The following LHFPL6 variants were observed in gnomAD, a reference collection of about 807,000 sequenced individuals.
LHFPL6 encodes the protein LHFPL tetraspan subfamily member 6, also known as LHFPL tetraspan subfamily member 6 protein.
LHFPL6 carries 9 observed loss-of-function variants against 20.6 expected under a neutral mutation model. That is an observed-to-expected ratio of 0.44 (90% CI 0.26 to 0.76). The LOEUF is 0.76. LHFPL6 is among the 30% of genes least tolerant of loss of function. The probability of loss-of-function intolerance (pLI) is 0.20; values close to 1 mark genes in which losing one functional copy is unlikely to be tolerated. For synonymous variants in LHFPL6, 105 were observed against 98.7 expected (o/e 1.06, Z -0.38); for missense variants, 218 against 253.5 (o/e 0.86, Z 0.95).
rs1868748713 is a variant in LHFPL6, at chr13:39,486,960, C to T, written c.386-108434G>A. Among the ~76,000 whole-genome samples, 7 of 152,296 alleles carry T rather than the reference C, an allele frequency of 4.6e-5. No homozygotes were observed. In the South Asian group the frequency reaches 1.2e-3, roughly 27 times the overall value. On this transcript the variant is annotated intron_variant, in intron 2 of 3. Coordinates refer to ENST00000379589, the MANE Select transcript of LHFPL6 (RefSeq NM_005780.3). The stretch of plus-strand genomic sequence containing the variant: ...CACAACAGAGACTTCAGCACAAATG[C>T]TGCTATCTTCTGAGGCAGCCACAGC...
chr13:39,570,151 T>C (rs1231577694), intron 2 of LHFPL6, among the ~76,000 whole-genome samples: 1 of 152,216 alleles, frequency 6.6e-6, no homozygotes, highest in Non-Finnish European at 1.5e-5. Flanking sequence ...ATTGTATTTA[T>C]TTATTTTTAG....
chr13:39,467,022 C>T (rs541992498), intron 2 of LHFPL6, among the ~76,000 whole-genome samples: 218 of 152,252 alleles, frequency 1.4e-3, no homozygotes, highest in Admixed American at 2.6e-3. Context: ...GGGTGTGCCA[C>T]GCGAATAGAA....
At chr13:39,487,612 A>G (rs1478752408) in intron 2 of LHFPL6, among the ~76,000 whole-genome samples, 1 of 152,252 alleles carries the variant, frequency 6.6e-6, no homozygotes, top group Non-Finnish European at 1.5e-5. Flanking sequence ...AAATTCCCAC[A>G]TTAATGTACT....
intron 2 of LHFPL6, among the ~76,000 whole-genome samples, chr13:39,422,813 T>C (rs1477971298): frequency 1.3e-5 from 2 of 152,090 alleles, no homozygotes; most frequent in Non-Finnish European, 2.9e-5. Context: ...CTGGATAATA[T>C]ATAAAGGTAA....
intron 2 of LHFPL6, among the ~76,000 whole-genome samples, chr13:39,462,399 G>A (rs1241003988): frequency 3.3e-5 from 5 of 152,126 alleles, no homozygotes; most frequent in Admixed American, 3.3e-4. Flanking sequence ...AAATGTGTGT[G>A]TTACTGTATC....
chr13:39,584,671 A>C (rs1872393127), intron 2 of LHFPL6, among the ~76,000 whole-genome samples: 1 of 151,968 alleles, frequency 6.6e-6, no homozygotes, highest in Non-Finnish European at 1.5e-5. Flanking sequence ...ACCTGACTAT[A>C]GAGTCTATAA....
chr13:39,538,956 G>A (rs1166390624), intron 2 of LHFPL6, among the ~76,000 whole-genome samples: 1 of 152,014 alleles, frequency 6.6e-6, no homozygotes, highest in Admixed American at 6.5e-5. Flanking sequence ...AGGCTTCGCG[G>A]GCCATATGGA....
intron 2 of LHFPL6, among the ~76,000 whole-genome samples, chr13:39,483,319 T>C (rs539023121): frequency 1.3e-5 from 2 of 152,184 alleles, no homozygotes; most frequent in African/African-American, 4.8e-5. Context: ...CTAAGGCTTG[T>C]GCTTGGAGCA....
intron 2 of LHFPL6, among the ~76,000 whole-genome samples, chr13:39,442,056 T>C (rs1001003880): frequency 6.6e-6 from 1 of 151,982 alleles, no homozygotes; most frequent in Non-Finnish European, 1.5e-5. Context: ...CTCAAACTCC[T>C]GACCTCAAGT....
At chr13:39,458,127 C>G (rs1872611913) in intron 2 of LHFPL6, among the ~76,000 whole-genome samples, 1 of 152,022 alleles carries the variant, frequency 6.6e-6, no homozygotes, top group South Asian at 2.1e-4. Flanking sequence ...TAACAGATTT[C>G]CAATGACAGT....
chr13:39,569,177 GGATGGATGGATGGATT>G (rs1264167339), intron 2 of LHFPL6, among the ~76,000 whole-genome samples: 11 of 151,952 alleles, frequency 7.2e-5, no homozygotes, highest in Admixed American at 2.0e-4. Flanking sequence ...ATGGATGGAT[GGATGGATGGATGGATT>G]GATGGACAGA....
intron 2 of LHFPL6, among the ~76,000 whole-genome samples, chr13:39,424,237 A>G (rs1481564206): frequency 6.6e-6 from 1 of 152,242 alleles, no homozygotes; most frequent in Non-Finnish European, 1.5e-5. Flanking sequence ...TTGACCTTAG[A>G]TCTGGAAAGT....
intron 2 of LHFPL6, among the ~76,000 whole-genome samples, chr13:39,560,869 G>T (rs867779754): frequency 2.2e-4 from 34 of 152,072 alleles, no homozygotes; most frequent in African/African-American, 8.2e-4. Flanking sequence ...AAAGCAGTTT[G>T]TCATGTCCAC....
At chr13:39,599,345 C>G (rs184773541) in intron 2 of LHFPL6, among the ~76,000 whole-genome samples, 1 of 152,356 alleles carries the variant, frequency 6.6e-6, no homozygotes, top group East Asian at 1.9e-4. Context: ...GGCATTAATT[C>G]TATTCTTAAA....
chr13:39,343,650 T>TGTGTGTGTGTG lies in LHFPL6; in HGVS notation c.*285_*286insCACACACACAC. 2 of 299,572 alleles carry TGTGTGTGTGTG rather than the reference T, an allele frequency of 6.7e-6. No individual in the cohort carries two copies. The highest frequency in any genetic ancestry group is 1.2e-5 in the Non-Finnish European group (2 of 162,204). The allele number at this position is 299,572 out of a possible 1,614,324, so 18.6% of individuals were successfully genotyped here. ...GTGTGTGTGTGTGTGTGTGTGTGTGTTGTACATTAACAATACTCTGTGGAA... is the reference window on the plus strand; with the variant it reads ...GTGTGTGTGTGTGTGTGTGTGTGTGTGTGTGTGTGTGTGTACATTAACAATACTCTGTGGAA... On this transcript the variant is annotated 3_prime_UTR_variant, in exon 4 of 4. Coordinates refer to ENST00000379589, the MANE Select transcript of LHFPL6 (RefSeq NM_005780.3).
intron 2 of LHFPL6, among the ~76,000 whole-genome samples, chr13:39,442,004 T>G (rs927635807): frequency 1.3e-5 from 2 of 151,818 alleles, no homozygotes; most frequent in African/African-American, 4.8e-5. Context: ...TAATTTTGTA[T>G]TTTTAGTAGA....
At chr13:39,541,509 C>A (rs555243535) in intron 2 of LHFPL6, among the ~76,000 whole-genome samples, 1 of 152,092 alleles carries the variant, frequency 6.6e-6, no homozygotes, top group Non-Finnish European at 1.5e-5. Flanking sequence ...TACCTGCAGG[C>A]CTCATCCTCT....
At chr13:39,401,486 T>A (rs1870990031) in intron 2 of LHFPL6, among the ~76,000 whole-genome samples, 1 of 152,148 alleles carries the variant, frequency 6.6e-6, no homozygotes, top group Non-Finnish European at 1.5e-5. Flanking sequence ...GAGGGAGGCA[T>A]CCTCCATTTG....
intron 2 of LHFPL6, among the ~76,000 whole-genome samples, chr13:39,412,871 G>A (rs1171939663): frequency 1.3e-5 from 2 of 149,970 alleles, no homozygotes; most frequent in East Asian, 2.0e-4. Flanking sequence ...GCAGTGAGCC[G>A]AGATTGCACC....
Sources: allele counts gnomAD v4.1 joint callset (sites outside exome capture counted in the v4.1 genomes callset), GRCh38; gene constraint gnomAD v4.1.1; transcripts MANE v1.5; gene names NCBI Gene and HGNC (gene_info 2026-07-23, HGNC 2026-07-21).